The following FAM149A variants were observed in gnomAD, a reference collection of about 807,000 sequenced individuals.
FAM149A encodes the protein protein FAM149A.
A neutral mutation model predicts 78.2 loss-of-function variants in FAM149A; 71 were observed. That is an observed-to-expected ratio of 0.91 (90% confidence interval 0.75 to 1.11). The LOEUF (loss-of-function observed/expected upper bound fraction) is 1.11. FAM149A is among the 50% of genes least tolerant of loss of function. The pLI, the probability that FAM149A is intolerant of heterozygous loss-of-function variation, is 0.00. For missense variants in FAM149A, 1,036 were observed against 971.0 expected, an observed-to-expected ratio of 1.07 and a Z score of -0.89; for synonymous variants, 446 against 410.5, an observed-to-expected ratio of 1.09 and a Z score of -1.04.
chr4:186,126,021 T>C (rs2126321220), intron 1 of FAM149A: 1 of 985,178 alleles, frequency 1.0e-6, no homozygotes, highest in Non-Finnish European at 1.2e-6. Context: ...TGCCATCTCC[T>C]TCCTCCCTTA....
intron 1 of FAM149A, among the ~76,000 whole-genome samples, chr4:186,137,589 A>T (rs2099324004): frequency 6.8e-6 from 1 of 146,858 alleles, no homozygotes; most frequent in South Asian, 2.2e-4. Context: ...CTGGGCAAGG[A>T]TTTTTTTTTT....
intron 3 of FAM149A, among the ~76,000 whole-genome samples, chr4:186,150,584 TA>T (rs1733469804): frequency 5.5e-5 from 2 of 36,486 alleles, no homozygotes; most frequent in South Asian, 1.2e-3. Flanking sequence ...CACGCCCGGC[TA>T]ATTTTTTGTA....
At chr4:186,121,019 C>A (rs1488117886) in intron 1 of FAM149A, among the ~76,000 whole-genome samples, 1 of 151,122 alleles carries the variant, frequency 6.6e-6, no homozygotes, top group Non-Finnish European at 1.5e-5. Flanking sequence ...CATAATAATC[C>A]ATTTCAAAGT....
chr4:186,150,380 T>G (rs1455043940), intron 3 of FAM149A, among the ~76,000 whole-genome samples: 82 of 131,844 alleles, frequency 6.2e-4, no homozygotes, highest in South Asian at 1.5e-3. Flanking sequence ...TGTTGTTGTT[T>G]TTTGCTTGCT....
At chr4:186,125,889 G>C in intron 1 of FAM149A, 1 of 985,380 alleles carries the variant, frequency 1.0e-6, no homozygotes, top group Non-Finnish European at 1.2e-6. Context: ...ACACGAACGA[G>C]TGTGGCACCC....
At chr4:186,126,835 A>G (rs1285683870) in intron 1 of FAM149A, 1 of 955,396 alleles carries the variant, frequency 1.0e-6, no homozygotes, top group East Asian at 1.2e-4. Context: ...ATGTCTCTGT[A>G]TCTTATTGGT....
At chr4:186,160,113 G>GCA (rs140611135) in intron 8 of FAM149A, among the ~76,000 whole-genome samples, 13,933 of 92,044 alleles carry the variant, frequency 0.15, 1,046 homozygotes, top group East Asian at 0.33. Flanking sequence ...CACACACCAC[G>GCA]CACACACACC....
chr4:186,142,975 G>A (rs764855252), intron 1 of FAM149A, among the ~76,000 whole-genome samples: 12 of 151,938 alleles, frequency 7.9e-5, no homozygotes, highest in Non-Finnish European at 1.5e-4. Flanking sequence ...GTGTGACCTC[G>A]AACATGTTAC....
At chr4:186,169,576 C>T (rs1441640995) in intron 13 of FAM149A, 1 of 985,326 alleles carries the variant, frequency 1.0e-6, no homozygotes, top group Non-Finnish European at 1.2e-6. Context: ...GGAGTCGCCT[C>T]TCTGGCCACC....
rs76402174 is a variant in FAM149A at position 186,166,649 on chromosome 4, T to TAA, written c.2011-297_2011-296dup. 6.7e-3 allele frequency among the ~76,000 whole-genome samples: 707 copies of TAA among 104,828 alleles called. 7 individuals carry two copies. Among genetic ancestry groups the TAA allele is most frequent in the East Asian group, 8.7e-3 (27 of 3,086 alleles). The allele number at this position is 104,828 out of a possible 152,430, so 68.8% of individuals were successfully genotyped here. A position where few individuals can be genotyped will look rare whatever the true frequency, so the allele number is the denominator to read the frequency against. On this transcript the variant is annotated intron_variant, in intron 11 of 13. Coordinates refer to ENST00000389354, the MANE Select transcript of FAM149A (RefSeq NM_001367768.3). ...CTGGGTGACAGAGCGAGACTCTGTT[T>TAA]AAAAAAAAAAAAAAAAAAAAAAAGG...
intron 1 of FAM149A, among the ~76,000 whole-genome samples, chr4:186,126,362 C>T (rs907968818): frequency 6.6e-6 from 1 of 152,152 alleles, no homozygotes; most frequent in Non-Finnish European, 1.5e-5. Context: ...CTAAGGGACA[C>T]CCAGATAGCT....
intron 1 of FAM149A, among the ~76,000 whole-genome samples, chr4:186,134,655 T>C (rs892521455): frequency 1.3e-5 from 2 of 152,160 alleles, no homozygotes; most frequent in Non-Finnish European, 1.5e-5. Context: ...GAAAGGGTGT[T>C]CTGCTGGTGT....
At chr4:186,133,279 C>A in intron 1 of FAM149A, 2 of 791,872 alleles carry the variant, frequency 2.5e-6, no homozygotes, top group Non-Finnish European at 3.1e-6. Flanking sequence ...CAGTGTTGTG[C>A]AGTCACCACC....
chr4:186,136,477 G>A (rs936873195), intron 1 of FAM149A, among the ~76,000 whole-genome samples: 7 of 152,086 alleles, frequency 4.6e-5, no homozygotes, highest in Non-Finnish European at 8.8e-5. Flanking sequence ...ATTACTCTCC[G>A]TGATAAATTT....
chr4:186,154,319 C>A lies in FAM149A; in HGVS notation c.1059-149C>A, dbSNP rs569510171. The stretch of plus-strand genomic sequence containing the variant: ...GCCTGTATTAAAGTGTTTTTAAGGA[C>A]GTGAGTTTTGTCCAATGTAATATTC... On this transcript the variant is annotated intron_variant, in intron 5 of 13. Coordinates refer to ENST00000389354, the MANE Select transcript of FAM149A (RefSeq NM_001367768.3). The A allele has an allele frequency of 7.8e-5, 46 of 593,292 alleles. 1 individual carries two copies. The East Asian group carries it at 9.6e-4, about 12-fold the overall frequency. The allele number at this position is 593,292 out of a possible 1,614,324, so 36.8% of individuals were successfully genotyped here.
Position 186,164,990 on chromosome 4 carries a change from C to A in FAM149A, c.1890-354C>A, listed in dbSNP as rs79791579. ...GAGGGAAGCTGTGGCTTCAGAGGGG[C>A]CAGTGCCCACCCCCTTTGGTGATGC... On this transcript the variant is annotated intron_variant, in intron 10 of 13. Transcript: ENST00000389354. The surrounding 1 kb of genome is among the most constrained non-coding windows in gnomAD (Gnocchi z 4.0). Among the ~76,000 whole-genome samples, 2,127 of 152,192 alleles carry A rather than the reference C, an allele frequency of 0.014. 68 individuals are homozygous for A. Among genetic ancestry groups the A allele is most frequent in the African/African-American group, 0.049 (2,030 of 41,488 alleles).
intron 1 of FAM149A, among the ~76,000 whole-genome samples, chr4:186,121,123 T>C (rs960044233): frequency 6.6e-6 from 1 of 152,186 alleles, no homozygotes; most frequent in Non-Finnish European, 1.5e-5. Context: ...ATTATGTTTC[T>C]TGTAAATTAT....
At chr4:186,170,406 A>C (rs1735426019) in intron 13 of FAM149A, among the ~76,000 whole-genome samples, 1 of 152,242 alleles carries the variant, frequency 6.6e-6, no homozygotes, top group Non-Finnish European at 1.5e-5. Flanking sequence ...ACAAGCCTCA[A>C]CATATCCAAG....
In FAM149A at chr4:186,166,543, C is replaced by T. The variant is rs145536519; in HGVS notation, c.2011-425C>T. 2.5e-3 allele frequency among the ~76,000 whole-genome samples: 382 copies of T among 150,050 alleles called. 5 individuals are homozygous for T. Among genetic ancestry groups the T allele is most frequent in the African/African-American group, 8.4e-3 (346 of 41,026 alleles). On this transcript the variant is annotated intron_variant, in intron 11 of 13. Transcript: ENST00000389354. The stretch of plus-strand genomic sequence containing the variant: ...GCACGTGCCTGTAATCCTCACTACT[C>T]GGGAGACTGAGGCAGGAGAATCGCT...
Sources: allele counts gnomAD v4.1 joint callset (sites outside exome capture counted in the v4.1 genomes callset), GRCh38; gene constraint gnomAD v4.1.1; non-coding constraint Gnocchi (gnomAD v3.1); transcripts MANE v1.5; gene names NCBI Gene and HGNC (gene_info 2026-07-23, HGNC 2026-07-21).